Variants in CHD4 observed in about 807,000 individuals in gnomAD.
CHD4 encodes the protein ATP-dependent chromatin remodeler CHD4.
Under a neutral mutation model 235.5 loss-of-function variants are expected in CHD4, and 35 were observed. That is an observed-to-expected ratio of 0.15 (90% CI 0.11 to 0.20). The LOEUF is 0.20. Among genes scored for constraint, CHD4 ranks in the 10% least tolerant of loss-of-function variants. The pLI is 1.00. For missense variants in CHD4, 1,329 were observed against 2,432.3 expected (o/e 0.55, Z 9.54); for synonymous variants, 900 against 850.2 (o/e 1.06, Z -1.02).
chr12:6,581,504 C>A, intron 31 of CHD4, 116 bp from the exon 32 acceptor site: 1 of 1,515,598 alleles, frequency 6.6e-7, no homozygotes, highest in South Asian at 1.1e-5. Flanking sequence ...AGAGCCAGCC[C>A]TATTCTTAGG....
chr12:6,601,160 T>C, intron 6 of CHD4, 107 bp from the exon 7 acceptor site: 1 of 1,523,366 alleles, frequency 6.6e-7, no homozygotes, highest in Non-Finnish European at 8.8e-7. Context: ...CAAATTTCCC[T>C]CCAAAATCCA....
rs1054964813 is a variant in CHD4 at position 6,606,200 on chromosome 12, G to T, written c.100+74C>A. ...AGAGACAGCGGAGCAACACAGCCCT[G>T]CCTCACCAGAGGAGTCACTCGGGAG... On this transcript the variant is annotated intron_variant, in intron 2 of 39. Transcript: ENST00000544040. 5.9e-6 allele frequency: 6 copies of T among 1,008,458 alleles called. No individual in the cohort carries two copies. In the South Asian group the frequency reaches 7.4e-5, roughly 12 times the overall value. 62.5% of individuals were successfully genotyped at this position (1,008,458 alleles called of 1,614,324 possible).
chr12:6,600,728 CAG>C (rs1948575090), intron 7 of CHD4, 59 bp from the exon 8 acceptor site: 1 of 1,595,918 alleles, frequency 6.3e-7, no homozygotes, highest in African/African-American at 1.3e-5. Context: ...GACAGAGTGG[CAG>C]AGAGGGGAGT....
intron 37 of CHD4, among the ~76,000 whole-genome samples, chr12:6,574,785 CA>C (rs1485260244): frequency 6.6e-6 from 1 of 152,224 alleles, no homozygotes; most frequent in Non-Finnish European, 1.5e-5. Flanking sequence ...TTAACTTTCT[CA>C]GTGACTCAGG....
At chr12:6,573,324 T>C in intron 37 of CHD4, 55 bp from the exon 38 acceptor site, 1 of 1,421,072 alleles carries the variant, frequency 7.0e-7, no homozygotes, top group Non-Finnish European at 9.3e-7. Context: ...CTTTACTCAC[T>C]TCTGACTGGC....
intron 25 of CHD4, among the ~76,000 whole-genome samples, chr12:6,586,518 A>C (rs1255764650): frequency 2.6e-5 from 4 of 152,172 alleles, no homozygotes; most frequent in Non-Finnish European, 1.5e-5. Context: ...TAAGGCCAGG[A>C]GTTCAAGACC....
chr12:6,599,752 C>A, intron 10 of CHD4, 21 bp downstream of exon 10: 1 of 1,610,310 alleles, frequency 6.2e-7, no homozygotes, highest in Non-Finnish European at 8.5e-7. Flanking sequence ...TTTTTTGCCC[C>A]GGCTGAGATC....
Position 6,602,014 on chromosome 12 carries a change from G to C in CHD4, c.384C>G (p.Ser128Arg). The C allele has an allele frequency of 6.2e-7, 1 of 1,611,666 alleles. No homozygotes were observed. Among genetic ancestry groups the C allele is most frequent in the African/African-American group, 1.3e-5 (1 of 74,868 alleles). Residue 128 changes from serine to arginine, a missense_variant, in exon 4 of 40, where the codon AGC becomes AGG. Physicochemically the swap from Ser to Arg is moderately radical, Grantham distance 110 (BLOSUM62 -1). Coordinates refer to ENST00000544040, the MANE Select transcript of CHD4 (RefSeq NM_001273.5). ...KKLGPKKEKKSKSKRKEEEEE... is the reference protein window; with the variant it reads ...KKLGPKKEKKRKSKRKEEEEE... The stretch of plus-strand genomic sequence containing the variant: ...CCTCCTCCTCCTTCCGCTTGGATTT[G>C]CTCTTCTTCTCTTTCTTAGGTCCAA...
rs774951254 is a variant in CHD4, at chr12:6,598,331, T to C, written c.1577A>G (p.Asp526Gly). Residue 526 changes from aspartate (D) to glycine (G), a missense_variant, in exon 11 of 40, where the codon GAT (aspartate) becomes GGT (glycine). Physicochemically the swap from Asp to Gly is moderately conservative, Grantham distance 94. Transcript: ENST00000544040. The part of the protein sequence containing the change: ...PTPVPRPPDA[D>G]PNTPSPKPLE... The stretch of plus-strand genomic sequence containing the variant: ...GGGCTTTGGGGAGGGCGTGTTGGGA[T>C]CAGCATCTGGAGGCCGAGGCACTGG... 34 of 1,614,142 alleles carry C rather than the reference T, an allele frequency of 2.1e-5. 2 individuals carry two copies. The South Asian group carries it at 3.7e-4, about 18-fold the overall frequency.
At chr12:6,581,454 C>A in intron 31 of CHD4, 66 bp from the exon 32 acceptor site, 1 of 1,559,042 alleles carries the variant, frequency 6.4e-7, no homozygotes, top group Non-Finnish European at 8.8e-7. Context: ...GTCATTTCTT[C>A]CCAGTTTGTC....
rs1425581371 is a variant in CHD4, at chr12:6,580,718, A to AAAACAAACAAAC, written c.4909+325_4909+326insGTTTGTTTGTTT. 7.2e-4 allele frequency: 174 copies of AAAACAAACAAAC among 241,728 alleles called. 1 individual carries two copies. Among genetic ancestry groups the AAAACAAACAAAC allele is most frequent in the Non-Finnish European group, 4.0e-4 (52 of 130,594 alleles). The allele number at this position is 241,728 out of a possible 1,614,324, so 15.0% of individuals were successfully genotyped here. On this transcript the variant is annotated intron_variant, in intron 33 of 39. Transcript: ENST00000544040. ...AAAACTCCTTTGAAAAAAAAAAAAA[A>AAAACAAACAAAC]AAAAAAAAAGCCAGGCACAGTGGCT...
At chr12:6,575,482 C>T (rs1008676993) in intron 37 of CHD4, among the ~76,000 whole-genome samples, 5 of 151,302 alleles carry the variant, frequency 3.3e-5, no homozygotes, top group South Asian at 4.2e-4. Context: ...TTTTATTAAC[C>T]GTTTTTGGTT....
rs536612344 is a variant in CHD4, at chr12:6,579,277, C to A, written c.4910-360G>T. 3.0e-4 allele frequency: 93 copies of A among 306,170 alleles called. 2 individuals are homozygous for A. Among genetic ancestry groups the A allele is most frequent in the South Asian group, 2.8e-3 (85 of 30,756 alleles). 19.0% of individuals were successfully genotyped at this position (306,170 alleles called of 1,614,324 possible). ...CCAGCCTGGCCAACATGGTGAAACC[C>A]TGTCTCTACTAAAAGTACAAAAATT... On this transcript the variant is annotated intron_variant, in intron 33 of 39. Transcript: ENST00000544040.
At chr12:6,577,417 CAAAAAAAA>C (rs60910415) in intron 37 of CHD4, among the ~76,000 whole-genome samples, 1 of 87,322 alleles carries the variant, frequency 1.1e-5, no homozygotes, top group Non-Finnish European at 2.4e-5. Context: ...GATTCTGCCT[CAAAAAAAA>C]AAAAAAAAAA....
At chr12:6,604,598 C>T (rs1213557006) in intron 2 of CHD4, among the ~76,000 whole-genome samples, 1 of 151,890 alleles carries the variant, frequency 6.6e-6, no homozygotes, top group Non-Finnish European at 1.5e-5. Context: ...CATCTCACCA[C>T]CCCCATAAAA....
At chr12:6,572,643 G>A (rs927866138) in intron 38 of CHD4, among the ~76,000 whole-genome samples, 6 of 132,012 alleles carry the variant, frequency 4.5e-5, no homozygotes, top group African/African-American at 1.9e-4. Context: ...TGCAAACTCC[G>A]CCTCCCGGGT....
chr12:6,604,495 T>C (rs1429837392), intron 2 of CHD4, among the ~76,000 whole-genome samples: 1 of 152,048 alleles, frequency 6.6e-6, no homozygotes, highest in Non-Finnish European at 1.5e-5. Flanking sequence ...CCCTTGGGAA[T>C]GCAACATCAG....
At chr12:6,594,347 C>T (rs1948449270) in intron 15 of CHD4, 112 bp downstream of exon 15, 1 of 890,048 alleles carries the variant, frequency 1.1e-6, no homozygotes, top group Non-Finnish European at 1.7e-6. Context: ...CCACAGTGTT[C>T]TTGAAGGTCA....
Position 6,600,401 on chromosome 12 carries a change from C to T in CHD4, c.1064-6G>A. On this transcript the variant is annotated splice_region_variant and splice_polypyrimidine_tract_variant and intron_variant, in intron 8 of 39. Transcript: ENST00000544040. ...AGCAGTCACCTCCTCCTCGCCTGGG[C>T]AAGGAAGAGGGAAAGCCCAGTTATT... The T allele has an allele frequency of 6.2e-7, 1 of 1,613,746 alleles. No homozygotes were observed. The highest frequency in any genetic ancestry group is 1.7e-5 in the Admixed American group (1 of 59,994).
Sources: gnomAD v4.1 joint callset for allele counts (sites outside exome capture counted in the v4.1 genomes callset) on GRCh38, gnomAD v4.1.1 for gene constraint, MANE v1.5 for transcripts, NCBI Gene and HGNC (gene_info 2026-07-23, HGNC 2026-07-21) for gene names.